FTCDNL1: variants seen among roughly 807,000 people sequenced by gnomAD.
The protein encoded by FTCDNL1 is formiminotransferase N-terminal subdomain-containing protein.
In FTCDNL1, 11 loss-of-function variants were observed where a neutral mutation model predicts 5.9. The ratio of observed to expected loss-of-function variants is 1.87; its 90% CI spans 1.18 to 3.10. The LOEUF is 3.10. Ranked by LOEUF, FTCDNL1 falls within the 30% of genes most tolerant of loss-of-function variation. The probability of loss-of-function intolerance (pLI) is 0.00; values close to 1 mark genes in which losing one functional copy is unlikely to be tolerated. For missense variants in FTCDNL1, 115 were observed against 65.5 expected (o/e 1.76, Z -2.61); for synonymous variants, 58 against 24.8 (o/e 2.34, Z -3.99).
the FTCDNL1 span, among the ~76,000 whole-genome samples, chr2:199,747,406 G>A: frequency 6.6e-6 from 1 of 152,130 alleles, no homozygotes; most frequent in Non-Finnish European, 1.5e-5. Flanking sequence ...GGAGTGTGCT[G>A]TGAAGAAGGG....
At chr2:199,849,217 G>A (rs906210348) in intron 1 of FTCDNL1, among the ~76,000 whole-genome samples, 1 of 152,218 alleles carries the variant, frequency 6.6e-6, no homozygotes, top group Non-Finnish European at 1.5e-5. Flanking sequence ...TCCTCAGCGT[G>A]AATTTCATCA....
In FTCDNL1 at chr2:199,763,964, C is replaced by A. The variant is rs535140543; in HGVS notation, c.212-3129G>T. On this transcript the variant is annotated intron_variant, in intron 3 of 3. Coordinates refer to the FTCDNL1 transcript ENST00000416668. ...TCAATCAATTCTCCTGCCTCAGCCA[C>A]CTGAGTTGCTGGGATTACAGATGCC... Among the ~76,000 whole-genome samples the A allele has an allele frequency of 8.2e-4, 125 of 152,304 alleles. 1 individual carries two copies. Among genetic ancestry groups the A allele is most frequent in the African/African-American group, 2.8e-3 (117 of 41,556 alleles).
At chr2:199,806,140 AG>A (rs1700713235), downstream of FTCDNL1, among the ~76,000 whole-genome samples, 1 of 152,198 alleles carries the variant, frequency 6.6e-6, no homozygotes, top group Non-Finnish European at 1.5e-5. Flanking sequence ...CCTGCTCACC[AG>A]GACATTTTAT....
chr2:199,701,777 G>A, the FTCDNL1 span, among the ~76,000 whole-genome samples: 44 of 152,182 alleles, frequency 2.9e-4, no homozygotes, highest in Admixed American at 2.5e-3. Flanking sequence ...GCTCATGCCT[G>A]TAATCCCAAC....
the FTCDNL1 span, among the ~76,000 whole-genome samples, chr2:199,720,462 C>T: frequency 4.7e-3 from 710 of 152,288 alleles, 4 homozygotes; most frequent in Non-Finnish European, 8.0e-3. Context: ...AATGTATACT[C>T]TTCTTGTCTG....
intron 3 of FTCDNL1, among the ~76,000 whole-genome samples, chr2:199,769,375 T>G (rs1698694422): frequency 1.3e-5 from 2 of 152,216 alleles, no homozygotes; most frequent in South Asian, 2.1e-4. Flanking sequence ...TCTCATGAGC[T>G]CTGATAGTTT....
chr2:199,681,269 C>T, the FTCDNL1 span, among the ~76,000 whole-genome samples: 7 of 151,976 alleles, frequency 4.6e-5, no homozygotes, highest in Non-Finnish European at 1.0e-4. Flanking sequence ...GCCTGGCCAA[C>T]ATTGTGAAAC....
chr2:199,697,718 C>T, the FTCDNL1 span, among the ~76,000 whole-genome samples: 3 of 152,118 alleles, frequency 2.0e-5, no homozygotes, highest in African/African-American at 7.2e-5. Context: ...AGTAATTACA[C>T]AATCAACTCT....
At chr2:199,669,552 T>C in the FTCDNL1 span, among the ~76,000 whole-genome samples, 1 of 152,208 alleles carries the variant, frequency 6.6e-6, no homozygotes, top group Non-Finnish European at 1.5e-5. Flanking sequence ...CCAGTGTTTG[T>C]TAAGTGCTCT....
rs1700989523 is a variant in FTCDNL1, at chr2:199,810,747, A to G, written c.*1958T>C. ...TTTTTGGGGAACCTTACATTTCTAA[A>G]AGCAAAGTTAAGCAGGGATTGATGA... On this transcript the variant is annotated 3_prime_UTR_variant, in exon 5 of 5. Coordinates refer to ENST00000420128, the MANE Select transcript of FTCDNL1 (RefSeq NM_001363886.2). Among the ~76,000 whole-genome samples, 1 of 152,212 alleles carries G rather than the reference A, an allele frequency of 6.6e-6. No homozygotes were observed.
intron 3 of FTCDNL1, among the ~76,000 whole-genome samples, chr2:199,830,666 C>T (rs1336660222): frequency 1.3e-5 from 2 of 152,096 alleles, no homozygotes; most frequent in Non-Finnish European, 1.5e-5. Context: ...AAGCGCGGGG[C>T]CCTAACCGCT....
At chr2:199,694,017 G>A in the FTCDNL1 span, among the ~76,000 whole-genome samples, 1 of 152,242 alleles carries the variant, frequency 6.6e-6, no homozygotes. Flanking sequence ...CCTGACAGCA[G>A]AGAGAGGTAA....
intron 3 of FTCDNL1, among the ~76,000 whole-genome samples, chr2:199,785,249 C>CTTTTTTTT (rs61047289): frequency 0.02 from 1,563 of 76,730 alleles, 290 homozygotes; most frequent in Middle Eastern, 0.043. Flanking sequence ...TTCCAAATTC[C>CTTTTTTTT]TTTTTTTTTT....
At chr2:199,848,182 C>T (rs1300296752) in intron 2 of FTCDNL1, among the ~76,000 whole-genome samples, 2 of 152,076 alleles carry the variant, frequency 1.3e-5, no homozygotes, top group Non-Finnish European at 2.9e-5. Flanking sequence ...CATGTGTCAC[C>T]ACAGGAACAT....
rs570203438 is a variant in FTCDNL1, at chr2:199,763,170, C to T, written c.212-2335G>A. ...TCACTACAATTATAGAGACGTCATG[C>T]AGAGATGACAATGCTCCAGTGGTTT... is the stretch of plus-strand genomic sequence containing the variant. On this transcript the variant is annotated intron_variant, in intron 3 of 3. Transcript: ENST00000416668. Among the ~76,000 whole-genome samples the T allele has an allele frequency of 6.6e-4, 100 of 152,280 alleles. 1 individual carries two copies. The highest frequency in any genetic ancestry group is 1.0e-3 in the South Asian group (5 of 4,830).
In FTCDNL1 at chr2:199,819,675, A is replaced by G. The variant is rs1303732882; in HGVS notation, c.294T>C (p.Ser98=). 3 of 702,282 alleles carry G rather than the reference A, an allele frequency of 4.3e-6. No homozygotes were observed. The highest frequency in any genetic ancestry group is 5.2e-6 in the Non-Finnish European group (2 of 384,802). 43.5% of individuals were successfully genotyped at this position (702,282 alleles called of 1,614,324 possible). Residue 98 remains serine, a synonymous_variant, in exon 4 of 5, where the codon AGT becomes AGC. Coordinates refer to ENST00000420128, the MANE Select transcript of FTCDNL1 (RefSeq NM_001363886.2). ...CCAGCTGCTTCCTTCTCTGCACAAG[A>G]CTGCGCTTCTCAGGCAGGTCAGCTT... ...FGEADLPEKR[S]LVQRRKQLGW... is the part of the protein sequence containing the mutation.
chr2:199,759,308 T>G (rs72922372), downstream of FTCDNL1, among the ~76,000 whole-genome samples: 4,431 of 151,978 alleles, frequency 0.029, 127 homozygotes, highest in East Asian at 0.16. Context: ...TTTTTTTTTT[T>G]GTAACAAAAA....
At chr2:199,693,202 G>T in the FTCDNL1 span, among the ~76,000 whole-genome samples, 2 of 152,178 alleles carry the variant, frequency 1.3e-5, no homozygotes, top group African/African-American at 4.8e-5. Context: ...AGACTGAAAT[G>T]ACAAAGTAGC....
chr2:199,691,379 G>A, the FTCDNL1 span, among the ~76,000 whole-genome samples: 2 of 152,158 alleles, frequency 1.3e-5, no homozygotes, highest in Non-Finnish European at 1.5e-5. Context: ...CTCCATGTTG[G>A]TCAGGCTGGT....
Sources: allele counts gnomAD v4.1 joint callset (sites outside exome capture counted in the v4.1 genomes callset), GRCh38; gene constraint gnomAD v4.1.1; transcripts MANE v1.5; gene names NCBI Gene and HGNC (gene_info 2026-07-23, HGNC 2026-07-21).